Variants in PSMF1 observed in about 807,000 individuals in gnomAD.
PSMF1 encodes the protein proteasome inhibitor PI31 subunit.
A neutral mutation model predicts 29.3 loss-of-function variants in PSMF1; 30 were observed. The ratio of observed to expected loss-of-function variants is 1.02; its 90% CI spans 0.77 to 1.39. PSMF1 has a LOEUF of 1.39. Ranked by LOEUF, PSMF1 falls within the 40% of genes most tolerant of loss-of-function variation. The pLI, the probability that PSMF1 is intolerant of heterozygous loss-of-function variation, is 0.00. For missense variants in PSMF1, 344 were observed against 357.5 expected (o/e 0.96, Z 0.31); for synonymous variants, 134 against 139.7 (o/e 0.96, Z 0.29).
Position 1,164,973 on chromosome 20 carries a change from C to T in PSMF1, c.765-56C>T, listed in dbSNP as rs2086710583. ...CCCTCAGTGCAGGGTCATGTCTGCC[C>T]ATGTTCCCCTGGTCTCTCCATCACT... On this transcript the variant is annotated intron_variant, in intron 6 of 6. Coordinates refer to ENST00000335877, the MANE Select transcript of PSMF1 (RefSeq NM_006814.5). This position sits in a 1 kb window ranked among gnomAD's most constrained non-coding sequence, Gnocchi z 4.1. 3 of 1,465,452 alleles carry T rather than the reference C, an allele frequency of 2.0e-6. No individual in the cohort carries two copies. The highest frequency in any genetic ancestry group is 2.8e-5 in the African/African-American group (2 of 71,900). 90.8% of individuals were successfully genotyped at this position (1,465,452 alleles called of 1,614,324 possible). A position where few individuals can be genotyped will look rare whatever the true frequency, so the allele number is the denominator to read the frequency against.
chr20:1,153,560 C>T (rs181133440), intron 4 of PSMF1, among the ~76,000 whole-genome samples: 4 of 151,990 alleles, frequency 2.6e-5, no homozygotes, highest in Admixed American at 2.0e-4. Context: ...TGCCATACAA[C>T]GAAACAATAA....
intron 1 of PSMF1, among the ~76,000 whole-genome samples, chr20:1,122,068 A>G (rs190166063): frequency 4.5e-4 from 68 of 152,340 alleles, no homozygotes; most frequent in South Asian, 2.3e-3. Context: ...ATTCATGGCC[A>G]TTAAAGAATG....
intron 4 of PSMF1, chr20:1,160,631 G>A (rs963405619): frequency 9.8e-6 from 5 of 509,420 alleles, no homozygotes; most frequent in Non-Finnish European, 2.0e-5. Context: ...GCTCCAGCAT[G>A]TGCAAAGCTG....
intron 4 of PSMF1, among the ~76,000 whole-genome samples, chr20:1,138,840 AAAACAAAACC>A (rs2086343662): frequency 6.6e-6 from 1 of 151,474 alleles, no homozygotes; most frequent in South Asian, 2.1e-4. Flanking sequence ...CAAACAAAAA[AAAACAAAACC>A]AAACAAAAGC....
intron 4 of PSMF1, among the ~76,000 whole-genome samples, chr20:1,139,838 C>T (rs2086359189): frequency 6.6e-6 from 1 of 151,756 alleles, no homozygotes; most frequent in African/African-American, 2.4e-5. Context: ...ATAACAACCC[C>T]CAAAAGAATA....
intron 3 of PSMF1, among the ~76,000 whole-genome samples, chr20:1,133,569 A>ATATATATATATATATTTATTTTTTTTTTT: frequency 1.9e-5 from 1 of 53,288 alleles, no homozygotes; most frequent in Non-Finnish European, 4.6e-5. Flanking sequence ...ATATATATAT[A>ATATATATATATATATTTATTTTTTTTTTT]TTTTTTTTTT....
upstream of PSMF1, among the ~76,000 whole-genome samples, chr20:1,115,414 A>G (rs879639687): frequency 1.2e-4 from 18 of 152,212 alleles, no homozygotes; most frequent in Non-Finnish European, 2.1e-4. Context: ...TTTGCTGTAG[A>G]AAACGTAAAG....
At chr20:1,143,466 A>G (rs1405554876) in intron 4 of PSMF1, among the ~76,000 whole-genome samples, 1 of 152,224 alleles carries the variant, frequency 6.6e-6, no homozygotes, top group African/African-American at 2.4e-5. Flanking sequence ...TTAACCTTCT[A>G]TAAAAATGAC....
chr20:1,142,119 G>A (rs1445980577), intron 4 of PSMF1, among the ~76,000 whole-genome samples: 1 of 152,198 alleles, frequency 6.6e-6, no homozygotes, highest in Admixed American at 6.5e-5. Flanking sequence ...CTACTCGGGA[G>A]GCTGAGGTGG....
intron 4 of PSMF1, among the ~76,000 whole-genome samples, chr20:1,154,209 A>C (rs748390648): frequency 1.1e-4 from 16 of 152,228 alleles, no homozygotes; most frequent in Non-Finnish European, 1.5e-4. Context: ...AAAAGTAATC[A>C]TTGTGTTAGA....
At chr20:1,147,179 C>CATCATCGT (rs869221637) in intron 4 of PSMF1, among the ~76,000 whole-genome samples, 10 of 126,098 alleles carry the variant, frequency 7.9e-5, no homozygotes, top group African/African-American at 1.4e-4. Context: ...ATCATCATCA[C>CATCATCGT]CACCCTGTGT....
upstream of PSMF1, among the ~76,000 whole-genome samples, chr20:1,117,556 C>T (rs1437759645): frequency 6.6e-6 from 1 of 152,142 alleles, no homozygotes; most frequent in Non-Finnish European, 1.5e-5. Context: ...GTTGGCCAGG[C>T]TGGTCTCAAA....
chr20:1,119,964 T>C (rs1422165711), intron 1 of PSMF1, among the ~76,000 whole-genome samples: 1 of 146,688 alleles, frequency 6.8e-6, no homozygotes, highest in African/African-American at 2.5e-5. Context: ...AATCATTTTT[T>C]TTAGCTTCTC....
intron 3 of PSMF1, among the ~76,000 whole-genome samples, chr20:1,132,871 A>G (rs2086247995): frequency 6.6e-6 from 1 of 151,924 alleles, no homozygotes; most frequent in Non-Finnish European, 1.5e-5. Context: ...TTGGTTTTCA[A>G]ATGTTCATTG....
intron 4 of PSMF1, among the ~76,000 whole-genome samples, chr20:1,150,179 C>CA (rs1164150737): frequency 0.032 from 3,559 of 111,860 alleles, 121 homozygotes; most frequent in African/African-American, 0.092. Flanking sequence ...GACCCTGTCT[C>CA]AAAAAAAAAA....
At chr20:1,147,614 A>T (rs1294941160) in intron 4 of PSMF1, among the ~76,000 whole-genome samples, 2 of 152,172 alleles carry the variant, frequency 1.3e-5, no homozygotes, top group African/African-American at 2.4e-5. Flanking sequence ...AGGAGGCAGA[A>T]TGTTTAGGAG....
At chr20:1,153,752 T>TTAGA (rs2086560518) in intron 4 of PSMF1, among the ~76,000 whole-genome samples, 1 of 152,272 alleles carries the variant, frequency 6.6e-6, no homozygotes, top group South Asian at 2.1e-4. Context: ...GTCTAAAATC[T>TTAGA]TATCTAAGTC....
intron 4 of PSMF1, 94 bp downstream of exon 4, chr20:1,135,400 G>A (rs1007114813): frequency 1.0e-4 from 132 of 1,305,466 alleles, no homozygotes; most frequent in Middle Eastern, 5.4e-4. Context: ...TCCCTGGCCC[G>A]TATGTGTTTT....
chr20:1,118,636 C>T lies in PSMF1; in HGVS notation c.-138C>T, dbSNP rs2086038175. 2 of 1,075,874 alleles carry T rather than the reference C, an allele frequency of 1.9e-6. No individual in the cohort carries two copies. The highest frequency in any genetic ancestry group is 1.9e-5 in the South Asian group (1 of 53,644). The allele number at this position is 1,075,874 out of a possible 1,614,324, so 66.6% of individuals were successfully genotyped here. ...GCCCCGCCCCGTCCCCGGGCGTCTCCATTTTGGTCTCAGGTGTGGACTCGG... is the reference window on the plus strand; with the variant it reads ...GCCCCGCCCCGTCCCCGGGCGTCTCTATTTTGGTCTCAGGTGTGGACTCGG... On this transcript the variant is annotated 5_prime_UTR_variant, in exon 1 of 7. Transcript: ENST00000335877.
Sources: allele counts gnomAD v4.1 joint callset (sites outside exome capture counted in the v4.1 genomes callset), GRCh38; gene constraint gnomAD v4.1.1; non-coding constraint Gnocchi (gnomAD v3.1); transcripts MANE v1.5; gene names NCBI Gene and HGNC (gene_info 2026-07-23, HGNC 2026-07-21).